The following CNOT2 variants were observed in gnomAD, a reference collection of about 807,000 sequenced individuals.
CNOT2 encodes CCR4-NOT transcription complex subunit 2.
A neutral mutation model predicts 72.1 loss-of-function variants in CNOT2; 7 were observed. That is an observed-to-expected ratio of 0.10 (90% confidence interval 0.06 to 0.18). CNOT2 has a LOEUF of 0.18. Ranked by LOEUF, CNOT2 falls within the 10% of genes least tolerant of loss-of-function variation. CNOT2 has a pLI of 1.00. For missense variants in CNOT2, 345 were observed against 660.3 expected, an observed-to-expected ratio of 0.52 and a Z score of 5.23; for synonymous variants, 196 against 225.6, an observed-to-expected ratio of 0.87 and a Z score of 1.17.
intron 3 of CNOT2, among the ~76,000 whole-genome samples, chr12:70,317,182 A>G (rs1029909129): frequency 4.6e-5 from 7 of 152,134 alleles, no homozygotes; most frequent in Non-Finnish European, 1.5e-5. Flanking sequence ...TAAGATATCA[A>G]GCATTATTTG....
At chr12:70,303,232 G>C (rs1874451278) in intron 2 of CNOT2, among the ~76,000 whole-genome samples, 1 of 152,146 alleles carries the variant, frequency 6.6e-6, no homozygotes, top group African/African-American at 2.4e-5. Flanking sequence ...GGTTAGTATT[G>C]TTATGTGTGA....
intron 1 of CNOT2, among the ~76,000 whole-genome samples, chr12:70,261,509 G>A (rs1958761017): frequency 6.6e-6 from 1 of 151,068 alleles, no homozygotes; most frequent in African/African-American, 2.4e-5. Context: ...GTAGAGACGG[G>A]GTTTCACCAT....
intron 2 of CNOT2, among the ~76,000 whole-genome samples, chr12:70,292,835 T>A (rs533425333): frequency 6.6e-6 from 1 of 152,218 alleles, no homozygotes. Context: ...ACTCAGTGAT[T>A]ATTGAATTAG....
intron 1 of CNOT2, among the ~76,000 whole-genome samples, chr12:70,275,500 G>A (rs1024910474): frequency 1.3e-5 from 2 of 151,964 alleles, no homozygotes; most frequent in African/African-American, 4.8e-5. Context: ...TCTTTTTCTT[G>A]ACGATCTCTG....
intron 3 of CNOT2, among the ~76,000 whole-genome samples, chr12:70,311,714 CTA>C (rs1876495838): frequency 6.6e-6 from 1 of 151,998 alleles, no homozygotes; most frequent in African/African-American, 2.4e-5. Context: ...AATGTACTCT[CTA>C]GTCACACCAG....
intron 1 of CNOT2, among the ~76,000 whole-genome samples, chr12:70,276,449 G>A (rs1868821363): frequency 6.6e-6 from 1 of 151,936 alleles, no homozygotes; most frequent in South Asian, 2.1e-4. Context: ...CACCATGTAT[G>A]TATTAATGGT....
intron 7 of CNOT2, 139 bp downstream of exon 7, chr12:70,332,985 GGAATAGGATTCAATACAGT>G: frequency 7.7e-7 from 1 of 1,291,472 alleles, no homozygotes; most frequent in Non-Finnish European, 9.9e-7. Context: ...GTGAAAAATA[GGAATAGGATTCAATACAGT>G]GAATAGTTGA....
intron 2 of CNOT2, among the ~76,000 whole-genome samples, chr12:70,305,774 TCTTA>T (rs1875187516): frequency 6.6e-6 from 1 of 152,094 alleles, no homozygotes; most frequent in Non-Finnish European, 1.5e-5. Flanking sequence ...CAGGCCTGCC[TCTTA>T]CTTCGTTGGT....
At position 70,354,230 on chromosome 12, in the gene CNOT2, C is replaced by A; in HGVS notation, c.*315C>A. On this transcript the variant is annotated 3_prime_UTR_variant, in exon 16 of 16. Transcript: ENST00000229195. ...AGCAAATACACTGACAGAAGTTTAC[C>A]ATAGTTTCTAAAATGTAAAAAAGAA... 1 of 300,242 alleles carries A rather than the reference C, an allele frequency of 3.3e-6. No homozygotes were observed. Among genetic ancestry groups the A allele is most frequent in the East Asian group, 6.2e-5 (1 of 16,112 alleles). 18.6% of individuals were successfully genotyped at this position (300,242 alleles called of 1,614,324 possible).
chr12:70,253,069 G>A (rs79005119), intron 1 of CNOT2, among the ~76,000 whole-genome samples: 1,565 of 152,316 alleles, frequency 0.01, 28 homozygotes, highest in African/African-American at 0.035. Context: ...TGTGAAGTAA[G>A]ATGTGTAATA....
intron 1 of CNOT2, among the ~76,000 whole-genome samples, chr12:70,251,733 A>G (rs1958151414): frequency 6.6e-6 from 1 of 152,216 alleles, no homozygotes; most frequent in Admixed American, 6.5e-5. Flanking sequence ...TTTATTTGTT[A>G]AGAACTGTAT....
intron 2 of CNOT2, among the ~76,000 whole-genome samples, chr12:70,303,860 G>A (rs979955443): frequency 8.5e-5 from 13 of 152,156 alleles, no homozygotes; most frequent in Non-Finnish European, 1.9e-4. Context: ...ACACCAAGTA[G>A]ATTTGGTCTT....
At chr12:70,337,909 T>G in intron 9 of CNOT2, 1 of 330,656 alleles carries the variant, frequency 3.0e-6, no homozygotes. Context: ...TTAACAAATA[T>G]GTTTATTTCT....
chr12:70,282,591 T>C (rs1269926830), intron 2 of CNOT2, among the ~76,000 whole-genome samples: 2 of 152,190 alleles, frequency 1.3e-5, no homozygotes, highest in African/African-American at 4.8e-5. Context: ...TCTTTACTAG[T>C]GACTATATAG....
At chr12:70,282,507 C>T (rs1026914652) in intron 2 of CNOT2, among the ~76,000 whole-genome samples, 52 of 152,174 alleles carry the variant, frequency 3.4e-4, no homozygotes, top group African/African-American at 1.2e-3. Flanking sequence ...AAGAAAAATA[C>T]GGAATATAAA....
At chr12:70,283,067 T>A (rs1270740798) in intron 2 of CNOT2, among the ~76,000 whole-genome samples, 1 of 152,176 alleles carries the variant, frequency 6.6e-6, no homozygotes, top group Non-Finnish European at 1.5e-5. Context: ...TACTTTTTCT[T>A]TTATACTGCA....
chr12:70,293,948 G>A, intron 2 of CNOT2: 1 of 125,518 alleles, frequency 8.0e-6, no homozygotes, highest in Non-Finnish European at 1.6e-5. Context: ...TTTAAACTTA[G>A]TACTTTGAAT....
intron 2 of CNOT2, among the ~76,000 whole-genome samples, chr12:70,303,312 T>C (rs1874476489): frequency 2.6e-5 from 4 of 152,296 alleles, no homozygotes; most frequent in Admixed American, 2.0e-4. Context: ...TTCCTAGCCT[T>C]GATGGTCTTT....
At chr12:70,305,967 A>G (rs774997573) in intron 2 of CNOT2, among the ~76,000 whole-genome samples, 1 of 137,564 alleles carries the variant, frequency 7.3e-6, no homozygotes. Context: ...TGAGAATGTC[A>G]TGCCTTAGGA....
Sources: gnomAD v4.1 joint callset for allele counts (sites outside exome capture counted in the v4.1 genomes callset) on GRCh38, gnomAD v4.1.1 for gene constraint, MANE v1.5 for transcripts, NCBI Gene and HGNC (gene_info 2026-07-23, HGNC 2026-07-21) for gene names.